Variants in CUL3 observed in about 807,000 individuals in gnomAD.
The protein encoded by CUL3 is cullin-3.
CUL3 carries 19 observed loss-of-function variants against 89.1 expected under a neutral mutation model. The observed-to-expected ratio is 0.21, with a 90% CI of 0.15 to 0.31. The LOEUF is 0.31. CUL3 is among the 10% of genes least tolerant of loss of function. The probability of loss-of-function intolerance (pLI) is 1.00; values close to 1 mark genes in which losing one functional copy is unlikely to be tolerated. For missense variants in CUL3, 469 were observed against 942.3 expected, an observed-to-expected ratio of 0.50 and a Z score of 6.58; for synonymous variants, 351 against 308.4, an observed-to-expected ratio of 1.14 and a Z score of -1.45.
At chr2:224,505,134 TTCAG>T (rs1692548230) in intron 8 of CUL3, among the ~76,000 whole-genome samples, 1 of 146,644 alleles carries the variant, frequency 6.8e-6, no homozygotes, top group African/African-American at 2.5e-5. Context: ...TGTGTAGTTG[TTCAG>T]TTTTTTTTTT....
chr2:224,487,966 T>A (rs1018332262), intron 13 of CUL3, among the ~76,000 whole-genome samples: 1 of 152,168 alleles, frequency 6.6e-6, no homozygotes, highest in African/African-American at 2.4e-5. Context: ...TACAACTACA[T>A]GGAAACTGAA....
chr2:224,572,734 CAGAG>C (rs762175062), intron 1 of CUL3, among the ~76,000 whole-genome samples: 18 of 151,268 alleles, frequency 1.2e-4, no homozygotes, highest in Admixed American at 2.6e-4. Context: ...AGGAGGCTGA[CAGAG>C]AGTTTATTTT....
intron 1 of CUL3, among the ~76,000 whole-genome samples, chr2:224,570,948 T>G (rs1035940290): frequency 4.6e-5 from 7 of 152,210 alleles, no homozygotes; most frequent in Admixed American, 3.9e-4. Flanking sequence ...CACAGAGCAA[T>G]TGAGCTAAAA....
intron 13 of CUL3, among the ~76,000 whole-genome samples, chr2:224,489,451 A>G (rs1691868699): frequency 2.0e-5 from 3 of 152,220 alleles, no homozygotes; most frequent in Admixed American, 2.0e-4. Flanking sequence ...AAGCATTCCT[A>G]TACACCAATA....
intron 5 of CUL3, among the ~76,000 whole-genome samples, chr2:224,513,321 T>C (rs1369483359): frequency 6.6e-6 from 1 of 152,166 alleles, no homozygotes; most frequent in Non-Finnish European, 1.5e-5. Flanking sequence ...TGTGTGTAAG[T>C]TCAACCTCTT....
chr2:224,495,934 T>C lies in CUL3; in HGVS notation c.1740A>G (p.Ala580=), dbSNP rs372438706. 50 of 1,613,810 alleles carry C rather than the reference T, an allele frequency of 3.1e-5. No homozygotes were observed. Among genetic ancestry groups the C allele is most frequent in the Non-Finnish European group, 4.2e-5 (49 of 1,179,930 alleles). Residue 580 remains alanine, a synonymous_variant, in exon 13 of 16, where the codon GCA becomes GCG. Coordinates refer to ENST00000264414, the MANE Select transcript of CUL3 (RefSeq NM_003590.5). The stretch of plus-strand genomic sequence containing the variant: ...TCCGTGTATTAGAGCCAGTTACTTG[T>C]GCACCTCCAACACCAACTTCAGATC... The part of the protein sequence containing the change: ...EDGSEVGVGG[A]QVTGSNTRKH...
At chr2:224,481,372 AT>A (rs1471603028) in intron 14 of CUL3, among the ~76,000 whole-genome samples, 1 of 149,252 alleles carries the variant, frequency 6.7e-6, no homozygotes, top group African/African-American at 2.5e-5. Flanking sequence ...AATGAATAGA[AT>A]TTTCATTATC....
chr2:224,551,223 T>C (rs1694503732), intron 2 of CUL3, among the ~76,000 whole-genome samples: 2 of 150,242 alleles, frequency 1.3e-5, no homozygotes, highest in South Asian at 4.3e-4. Context: ...TTTTTTTTTT[T>C]GAGACGGAGT....
intron 6 of CUL3, among the ~76,000 whole-genome samples, chr2:224,510,117 T>C (rs1437684330): frequency 6.6e-6 from 1 of 152,216 alleles, no homozygotes; most frequent in East Asian, 1.9e-4. Context: ...TCACTATGAC[T>C]GCGTGGCTCA....
intron 2 of CUL3, among the ~76,000 whole-genome samples, chr2:224,544,382 T>C (rs1277436608): frequency 6.6e-6 from 1 of 152,200 alleles, no homozygotes; most frequent in African/African-American, 2.4e-5. Flanking sequence ...TACAAAAGCA[T>C]GCAACATTTA....
At chr2:224,577,904 A>G in intron 1 of CUL3, among the ~76,000 whole-genome samples, 1 of 152,234 alleles carries the variant, frequency 6.6e-6, no homozygotes, top group East Asian at 1.9e-4. Context: ...TGCTCACTTT[A>G]GAGCCAGATT....
intron 2 of CUL3, among the ~76,000 whole-genome samples, chr2:224,552,772 T>C (rs1694563039): frequency 6.6e-6 from 1 of 152,192 alleles, no homozygotes; most frequent in Admixed American, 6.5e-5. Context: ...GCACTTTGCT[T>C]TAAAATAAAT....
intron 3 of CUL3, among the ~76,000 whole-genome samples, chr2:224,518,951 G>C (rs1250606458): frequency 6.6e-6 from 1 of 152,232 alleles, no homozygotes; most frequent in Non-Finnish European, 1.5e-5. Flanking sequence ...CAAAAAGGCA[G>C]AAAGACATCA....
chr2:224,562,658 G>T (rs1334892610), intron 1 of CUL3: 1 of 147,588 alleles, frequency 6.8e-6, no homozygotes, highest in Non-Finnish European at 1.5e-5. Flanking sequence ...AAAAAAAGAC[G>T]ACGACAATGA....
chr2:224,492,201 T>C (rs1341219243), intron 13 of CUL3, among the ~76,000 whole-genome samples: 1 of 152,204 alleles, frequency 6.6e-6, no homozygotes, highest in East Asian at 1.9e-4. Flanking sequence ...CAGCCTTCAA[T>C]TTTAACTTGC....
At chr2:224,475,102 C>A (rs1210249604) in intron 15 of CUL3, among the ~76,000 whole-genome samples, 1 of 152,126 alleles carries the variant, frequency 6.6e-6, no homozygotes, top group East Asian at 1.9e-4. Context: ...ACTGCAAGCT[C>A]CGCCTCCCAG....
intron 15 of CUL3, among the ~76,000 whole-genome samples, chr2:224,476,951 T>G (rs900570342): frequency 2.6e-5 from 4 of 152,174 alleles, no homozygotes; most frequent in Admixed American, 6.5e-5. Context: ...CCACCTCCAT[T>G]TCCTTCTCAA....
At chr2:224,475,917 T>C (rs1691300528) in intron 15 of CUL3, among the ~76,000 whole-genome samples, 1 of 152,176 alleles carries the variant, frequency 6.6e-6, no homozygotes, top group Non-Finnish European at 1.5e-5. Flanking sequence ...GTTAACACCG[T>C]ATGTGTACAC....
intron 1 of CUL3, among the ~76,000 whole-genome samples, chr2:224,579,141 T>A (rs370991896): frequency 6.6e-6 from 1 of 152,210 alleles, no homozygotes; most frequent in African/African-American, 2.4e-5. Context: ...AATACTTTGT[T>A]AATAACAACC....
Sources: allele counts gnomAD v4.1 joint callset (sites outside exome capture counted in the v4.1 genomes callset), GRCh38; gene constraint gnomAD v4.1.1; transcripts MANE v1.5; gene names NCBI Gene and HGNC (gene_info 2026-07-23, HGNC 2026-07-21).